Variants in TIA1 observed in about 807,000 individuals in gnomAD.
TIA1 encodes cytotoxic granule associated RNA binding protein TIA1.
Under a neutral mutation model 65.9 loss-of-function variants are expected in TIA1, and 23 were observed. The observed-to-expected ratio is 0.35, with a 90% CI of 0.25 to 0.49. The LOEUF (loss-of-function observed/expected upper bound fraction) is 0.49, where lower values mean the gene tolerates loss of function less well. Among genes scored for constraint, TIA1 ranks in the 20% least tolerant of loss-of-function variants. The pLI, the probability that TIA1 is intolerant of heterozygous loss-of-function variation, is 0.98. For missense variants in TIA1, 371 were observed against 477.9 expected (o/e 0.78, Z 2.09); for synonymous variants, 147 against 149.4 (o/e 0.98, Z 0.12).
intron 12 of TIA1, among the ~76,000 whole-genome samples, chr2:70,213,642 C>T (rs929677005): frequency 8.6e-5 from 13 of 151,312 alleles, no homozygotes; most frequent in East Asian, 3.9e-4. Flanking sequence ...AGCCACCATG[C>T]CCAACCACAA....
intron 1 of TIA1, among the ~76,000 whole-genome samples, chr2:70,245,840 G>A (rs1038724792): frequency 1.3e-5 from 2 of 151,892 alleles, no homozygotes; most frequent in Non-Finnish European, 2.9e-5. Flanking sequence ...AGGTATGTGG[G>A]TGATAAAAAT....
At chr2:70,228,617 A>G (rs1684780066) in intron 5 of TIA1, 1 of 985,368 alleles carries the variant, frequency 1.0e-6, no homozygotes, top group African/African-American at 1.7e-5. Context: ...TGTTGGACCA[A>G]CACTTTAAAA....
intron 2 of TIA1, among the ~76,000 whole-genome samples, chr2:70,235,408 T>G (rs938334779): frequency 1.3e-5 from 2 of 151,824 alleles, no homozygotes; most frequent in Non-Finnish European, 2.9e-5. Context: ...AGAGCAAAAC[T>G]CCGTCTCAAA....
chr2:70,224,640 A>G lies in TIA1; in HGVS notation c.399-11T>C. 6.2e-7 allele frequency: 1 copy of G among 1,613,132 alleles called. No individual in the cohort carries two copies. Among genetic ancestry groups the G allele is most frequent in the Non-Finnish European group, 8.5e-7 (1 of 1,179,602 alleles). On this transcript the variant is annotated splice_polypyrimidine_tract_variant and intron_variant, in intron 6 of 12. Transcript: ENST00000433529. ...ACCACTCGGGCATCTCTGAAATCAGAAACAATCAGAAGTTTAGGTTTGCAA... is the reference window on the plus strand; with the variant it reads ...ACCACTCGGGCATCTCTGAAATCAGGAACAATCAGAAGTTTAGGTTTGCAA...
intron 7 of TIA1, among the ~76,000 whole-genome samples, chr2:70,221,571 A>G (rs1573348349): frequency 6.6e-6 from 1 of 152,152 alleles, no homozygotes; most frequent in Admixed American, 6.5e-5. Flanking sequence ...GCACATTATG[A>G]TTCCATTTAT....
chr2:70,236,637 T>C (rs1689095202), intron 1 of TIA1, among the ~76,000 whole-genome samples: 1 of 151,260 alleles, frequency 6.6e-6, no homozygotes, highest in Non-Finnish European at 1.5e-5. Context: ...CCTCAATTTA[T>C]TTTTTTTTCA....
chr2:70,237,368 T>C (rs1269269331), intron 1 of TIA1, among the ~76,000 whole-genome samples: 3 of 151,954 alleles, frequency 2.0e-5, no homozygotes, highest in Non-Finnish European at 1.5e-5. Flanking sequence ...ACCACTGCAC[T>C]CCAGCCTGGG....
chr2:70,248,629 G>C (rs1695602623), upstream of TIA1: 1 of 705,998 alleles, frequency 1.4e-6, no homozygotes, highest in South Asian at 1.8e-5. Context: ...AGATGGCGGC[G>C]AGCCGGGAGC....
At chr2:70,245,706 T>G (rs1202914297) in intron 1 of TIA1, among the ~76,000 whole-genome samples, 1 of 152,178 alleles carries the variant, frequency 6.6e-6, no homozygotes, top group Non-Finnish European at 1.5e-5. Context: ...TTTCGGGAAG[T>G]TTGTCTCAGA....
chr2:70,230,829 A>G lies in TIA1; in HGVS notation c.149T>C (p.Phe50Ser). Residue 50 changes from phenylalanine to serine, a missense_variant, in exon 3 of 13, where the codon TTT becomes TCT. Coordinates refer to ENST00000433529, the MANE Select transcript of TIA1 (RefSeq NM_022173.4). ...MDTAGNDPYC[F>S]VEFHEHRHAA... is the part of the protein sequence containing the mutation. ...ATGACGATGCTCATGAAACTCCACA[A>G]AACAATAGGGATCATTTCCAGCTGT... The G allele has an allele frequency of 6.2e-7, 1 of 1,612,170 alleles. No homozygotes were observed. Among genetic ancestry groups the G allele is most frequent in the Non-Finnish European group, 8.5e-7 (1 of 1,179,380 alleles).
At chr2:70,216,184 G>T (rs1553427071) in intron 10 of TIA1, 24 bp downstream of exon 10, 7 of 1,496,730 alleles carry the variant, frequency 4.7e-6, no homozygotes, top group Non-Finnish European at 6.3e-6. Context: ...CAAGAAAAAT[G>T]TTTTTTTAAA....
intron 7 of TIA1, among the ~76,000 whole-genome samples, chr2:70,217,933 A>T (rs186567212): frequency 1.3e-5 from 2 of 152,340 alleles, no homozygotes; most frequent in African/African-American, 2.4e-5. Flanking sequence ...AAAATCTTAA[A>T]CAATCTAACA....
chr2:70,212,875 G>C (rs1676867706), intron 12 of TIA1, 30 bp from the exon 13 acceptor site: 1 of 1,475,874 alleles, frequency 6.8e-7, no homozygotes, highest in South Asian at 1.1e-5. Context: ...AAGCAGAGGG[G>C]AGAGGAAATC....
rs374166300 is a variant in TIA1, at chr2:70,230,791, A to G, written c.187T>C (p.Leu63=). The change falls in exon 3 of 13, where the codon TTA becomes CTA. Residue 63 remains leucine (L), a synonymous_variant. Transcript: ENST00000433529. ...FHEHRHAAAA[L]AAMNGRKIMG... ...ATCTTCCGTCCATTCATAGCAGCTA[A>G]TGCTGCAGCTGCATGACGATGCTCA... The G allele has an allele frequency of 7.3e-5, 118 of 1,612,332 alleles. 1 individual carries two copies. The highest frequency in any genetic ancestry group is 4.9e-4 in the East Asian group (22 of 44,792).
chr2:70,234,673 T>C (rs559703314), intron 2 of TIA1, among the ~76,000 whole-genome samples: 1 of 152,246 alleles, frequency 6.6e-6, no homozygotes, highest in East Asian at 1.9e-4. Flanking sequence ...ACAATTCTAC[T>C]GCCTTAGCCT....
In TIA1 at chr2:70,215,429, T is replaced by C; in HGVS notation, c.830A>G (p.His277Arg). 2.5e-6 allele frequency: 4 copies of C among 1,614,056 alleles called. No individual in the cohort carries two copies. Among genetic ancestry groups the C allele is most frequent in the Non-Finnish European group, 3.4e-6 (4 of 1,179,924 alleles). ...TTTGCCCCAATAGCATTTCACAACA[T>C]GACCTTCAATGGTAGTACCATTAAC... ...VSVNGTTIEG[H>R]VVKCYWGKET... is the part of the protein sequence containing the mutation. Residue 277 changes from histidine (H) to arginine (R), a missense_variant, in exon 11 of 13, where the codon CAT becomes CGT. His to Arg is a conservative substitution (Grantham distance 29). Transcript: ENST00000433529.
intron 1 of TIA1, among the ~76,000 whole-genome samples, chr2:70,237,966 C>T (rs749174171): frequency 6.6e-6 from 1 of 151,884 alleles, no homozygotes; most frequent in Non-Finnish European, 1.5e-5. Flanking sequence ...TCAAGACCAT[C>T]CTGGCTAACA....
At chr2:70,218,421 T>G (rs1679633584) in intron 7 of TIA1, among the ~76,000 whole-genome samples, 1 of 152,202 alleles carries the variant, frequency 6.6e-6, no homozygotes, top group Non-Finnish European at 1.5e-5. Flanking sequence ...CATCATGACC[T>G]ATGTTTTAAG....
intron 8 of TIA1, 98 bp from the exon 9 acceptor site, chr2:70,216,597 C>G (rs1043005939): frequency 7.4e-7 from 1 of 1,343,050 alleles, no homozygotes; most frequent in African/African-American, 1.5e-5. Context: ...TAACATTAAC[C>G]TTGATCAAAA....
Sources: allele counts gnomAD v4.1 joint callset (sites outside exome capture counted in the v4.1 genomes callset), GRCh38; gene constraint gnomAD v4.1.1; transcripts MANE v1.5; gene names NCBI Gene and HGNC (gene_info 2026-07-23, HGNC 2026-07-21).